Variants in GLRB observed in about 807,000 individuals in gnomAD.
GLRB encodes glycine receptor subunit beta.
A neutral mutation model predicts 54.2 loss-of-function variants in GLRB; 33 were observed. The ratio of observed to expected loss-of-function variants is 0.61; its 90% CI spans 0.46 to 0.81. GLRB has a LOEUF of 0.81. Among genes scored for constraint, GLRB ranks in the 40% least tolerant of loss-of-function variants. GLRB has a pLI of 0.00. For synonymous variants in GLRB, 209 were observed against 208.2 expected (o/e 1.00, Z -0.03); for missense variants, 572 against 584.6 (o/e 0.98, Z 0.22).
intron 2 of GLRB, among the ~76,000 whole-genome samples, chr4:157,093,393 T>A (rs1248817965): frequency 2.0e-5 from 3 of 152,196 alleles, no homozygotes; most frequent in Non-Finnish European, 4.4e-5. Context: ...TGTATGCATA[T>A]GTATTCATCT....
At chr4:157,169,056 G>A (rs985615905) in intron 9 of GLRB, among the ~76,000 whole-genome samples, 2 of 151,876 alleles carry the variant, frequency 1.3e-5, no homozygotes, top group Admixed American at 1.3e-4. Flanking sequence ...GTACTGTTGA[G>A]GAAAGATTTG....
chr4:157,092,147 A>G (rs1183661653), intron 2 of GLRB, among the ~76,000 whole-genome samples: 2 of 152,212 alleles, frequency 1.3e-5, no homozygotes, highest in African/African-American at 4.8e-5. Flanking sequence ...TAAAATCATT[A>G]ACAATGTGAT....
In GLRB at chr4:157,171,700, A is replaced by C. The variant is rs922244603; in HGVS notation, c.*972A>C. On this transcript the variant is annotated 3_prime_UTR_variant, in exon 10 of 10. Transcript: ENST00000264428. The stretch of plus-strand genomic sequence containing the variant: ...GCTTGCATATTTTAAGTAAAATTAA[A>C]AATGTTTACTGAATTTATTTTTTTA... The C allele has an allele frequency of 1.9e-4, 29 of 152,178 alleles. No individual in the cohort carries two copies. Among genetic ancestry groups the C allele is most frequent in the African/African-American group, 6.5e-4 (27 of 41,430 alleles). The allele number at this position is 152,178 out of a possible 1,614,324, so 9.4% of individuals were successfully genotyped here.
intron 2 of GLRB, among the ~76,000 whole-genome samples, chr4:157,105,856 A>G (rs912384587): frequency 2.0e-5 from 3 of 152,074 alleles, no homozygotes; most frequent in Non-Finnish European, 4.4e-5. Flanking sequence ...TAACATTTGT[A>G]TCTTTTTTCA....
At chr4:157,130,306 C>T (rs1177977446) in intron 4 of GLRB, among the ~76,000 whole-genome samples, 1 of 151,594 alleles carries the variant, frequency 6.6e-6, no homozygotes, top group East Asian at 1.9e-4. Flanking sequence ...TTGTACTTGA[C>T]CTTCTGTGGC....
At chr4:157,162,921 C>T (rs1737564680) in intron 9 of GLRB, among the ~76,000 whole-genome samples, 2 of 152,164 alleles carry the variant, frequency 1.3e-5, no homozygotes, top group South Asian at 4.1e-4. Context: ...TTCAACTAGG[C>T]CTGCCCCCAG....
intron 4 of GLRB, among the ~76,000 whole-genome samples, chr4:157,125,807 G>A (rs571263491): frequency 4.0e-4 from 61 of 152,044 alleles, no homozygotes; most frequent in Middle Eastern, 6.8e-3. Flanking sequence ...AATTAGCTGG[G>A]CATGGTGGTG....
intron 2 of GLRB, among the ~76,000 whole-genome samples, chr4:157,102,612 G>C (rs1735074044): frequency 6.6e-6 from 1 of 152,014 alleles, no homozygotes; most frequent in Non-Finnish European, 1.5e-5. Context: ...TTTTAAGAAG[G>C]AGATTACAAT....
intron 2 of GLRB, among the ~76,000 whole-genome samples, chr4:157,098,305 T>A (rs891337168): frequency 6.6e-6 from 1 of 152,076 alleles, no homozygotes; most frequent in Non-Finnish European, 1.5e-5. Context: ...ATTTATCGAT[T>A]TTACTGTCAA....
chr4:157,147,340 A>G (rs1736850921), intron 8 of GLRB, among the ~76,000 whole-genome samples: 1 of 152,178 alleles, frequency 6.6e-6, no homozygotes, highest in Non-Finnish European at 1.5e-5. Context: ...TTCATGGATC[A>G]ATGACTTTTA....
intron 2 of GLRB, among the ~76,000 whole-genome samples, chr4:157,105,993 T>C (rs116387134): frequency 0.02 from 2,990 of 152,200 alleles, 75 homozygotes; most frequent in African/African-American, 0.066. Flanking sequence ...TATTAGACTA[T>C]ATATAACTTT....
At chr4:157,122,973 T>C (rs1735889796) in intron 4 of GLRB, among the ~76,000 whole-genome samples, 2 of 151,686 alleles carry the variant, frequency 1.3e-5, no homozygotes, top group Admixed American at 6.6e-5. Context: ...CAGATTCGTG[T>C]CTTGAAAGGA....
intron 2 of GLRB, among the ~76,000 whole-genome samples, chr4:157,106,597 T>C (rs1735235133): frequency 6.6e-6 from 1 of 151,998 alleles, no homozygotes; most frequent in Admixed American, 6.6e-5. Context: ...CTCTCTTTTT[T>C]TTTCCTGGAG....
Position 157,108,862 on chromosome 4 carries a change from G to C in GLRB, c.123-11694G>C, listed in dbSNP as rs1735317629. 2.0e-5 allele frequency among the ~76,000 whole-genome samples: 3 copies of C among 151,982 alleles called. No homozygotes were observed. The South Asian group carries it at 6.2e-4, about 31-fold the overall frequency. On this transcript the variant is annotated intron_variant, in intron 2 of 9. Coordinates refer to ENST00000264428, the MANE Select transcript of GLRB (RefSeq NM_000824.5). ...CATTGATCTAGCAAACTTCACTTTT[G>C]TCTATTTTAAGAAATTGCCACAGCC...
intron 7 of GLRB, among the ~76,000 whole-genome samples, chr4:157,141,726 G>A (rs1736619601): frequency 6.6e-6 from 1 of 152,014 alleles, no homozygotes; most frequent in South Asian, 2.1e-4. Context: ...ATCAAGAAAT[G>A]TTTCTCATAA....
intron 2 of GLRB, among the ~76,000 whole-genome samples, chr4:157,102,081 T>A (rs916551336): frequency 3.3e-5 from 5 of 152,314 alleles, no homozygotes; most frequent in Admixed American, 2.6e-4. Context: ...TTTAATGGAT[T>A]TTTTTCTGTG....
chr4:157,152,655 A>C, intron 8 of GLRB, 63 bp from the exon 9 acceptor site: 2 of 1,273,054 alleles, frequency 1.6e-6, no homozygotes, highest in Non-Finnish European at 2.3e-6. Flanking sequence ...GTCAAAGAGT[A>C]ATGACCCCAG....
In GLRB at chr4:157,090,340, T is replaced by G. The variant is rs1354880308; in HGVS notation, c.122+12194T>G. On this transcript the variant is annotated intron_variant, in intron 2 of 9. Transcript: ENST00000264428. ...ACATTTTCAAAAAGAAAAAAATTAA[T>G]GAAAAGTGGGGCATTGTTTAACGGT... 2.6e-5 allele frequency among the ~76,000 whole-genome samples: 4 copies of G among 152,320 alleles called. No homozygotes were observed. The East Asian group carries it at 7.7e-4, about 29-fold the overall frequency.
rs186135821 is a variant in GLRB at position 157,151,379 on chromosome 4, T to G, written c.905-1339T>G. ...GGATTTTTATGTTACTTTCCACTTT[T>G]GACCACAGTTTGATTGCACTGTGGT... On this transcript the variant is annotated intron_variant, in intron 8 of 9. Transcript: ENST00000264428. Among the ~76,000 whole-genome samples the G allele has an allele frequency of 3.7e-3, 563 of 152,224 alleles. 4 individuals are homozygous for G. The highest frequency in any genetic ancestry group is 0.013 in the African/African-American group (542 of 41,578).
Sources: allele counts gnomAD v4.1 joint callset (sites outside exome capture counted in the v4.1 genomes callset), GRCh38; gene constraint gnomAD v4.1.1; transcripts MANE v1.5; gene names NCBI Gene and HGNC (gene_info 2026-07-23, HGNC 2026-07-21).